ADGRE1: variants seen among roughly 807,000 people sequenced by gnomAD.
The protein encoded by ADGRE1 is EGF-like module receptor 1.
ADGRE1 carries 82 observed loss-of-function variants against 102.7 expected under a neutral mutation model. The observed-to-expected ratio is 0.80, with a 90% CI of 0.67 to 0.96. The LOEUF (loss-of-function observed/expected upper bound fraction) is 0.96. Ranked by LOEUF, ADGRE1 falls within the 40% of genes least tolerant of loss-of-function variation. The probability of loss-of-function intolerance (pLI) is 0.00; values close to 1 mark genes in which losing one functional copy is unlikely to be tolerated. For missense variants in ADGRE1, 1,032 were observed against 1,085.3 expected (o/e 0.95, Z 0.69); for synonymous variants, 398 against 399.6 (o/e 1.00, Z 0.05).
chr19:6,911,385 GTTTTTTT>G lies in ADGRE1; in HGVS notation c.1123-2254_1123-2248del, dbSNP rs772959056. Among the ~76,000 whole-genome samples the G allele has an allele frequency of 1.0e-4, 8 of 79,844 alleles. No individual in the cohort carries two copies. In the South Asian group the frequency reaches 1.7e-3, roughly 17 times the overall value. The allele number at this position is 79,844 out of a possible 152,430, so 52.4% of individuals were successfully genotyped here. On this transcript the variant is annotated intron_variant, in intron 10 of 20. Transcript: ENST00000312053. ...TTTATTAGGTTCTGGATTCCTTTTA[GTTTTTTT>G]TTTTTTTTTTTTTGCTTGGGTCAGA...
Position 6,940,174 on chromosome 19 carries a change from G to C in ADGRE1, c.*145G>C. 2.0e-6 allele frequency: 2 copies of C among 988,802 alleles called. No individual in the cohort carries two copies. The highest frequency in any genetic ancestry group is 3.1e-6 in the Non-Finnish European group (2 of 652,612). 61.3% of individuals were successfully genotyped at this position (988,802 alleles called of 1,614,324 possible). ...AGAACCCTCTGGGGAAGAATGTTGG[G>C]GGCGGTCTTCCTGTGGTTGTATGCA... On this transcript the variant is annotated 3_prime_UTR_variant, in exon 21 of 21. Transcript: ENST00000312053.
At chr19:6,908,157 C>G (rs572202543) in intron 9 of ADGRE1, among the ~76,000 whole-genome samples, 6 of 152,368 alleles carry the variant, frequency 3.9e-5, no homozygotes, top group African/African-American at 1.4e-4. Context: ...GCCATCTGTG[C>G]CTTAAGGACA....
chr19:6,900,135 C>G (rs933599337), intron 5 of ADGRE1, among the ~76,000 whole-genome samples: 2 of 151,824 alleles, frequency 1.3e-5, no homozygotes, highest in African/African-American at 4.8e-5. Context: ...CTTTTCTCTC[C>G]CTTCACATTA....
chr19:6,903,801 A>AC lies in ADGRE1; in HGVS notation c.662-5dup, dbSNP rs745511259. ...CAACTTGGCTCCACACCCATTCTGTACCCCACAGATATTGATGAATGCACT... is the reference window on the plus strand; with the variant it reads ...CAACTTGGCTCCACACCCATTCTGTACCCCCACAGATATTGATGAATGCACT... On this transcript the variant is annotated splice_polypyrimidine_tract_variant and intron_variant, in intron 6 of 20. Transcript: ENST00000312053. 6.2e-7 allele frequency: 1 copy of AC among 1,613,898 alleles called. No individual in the cohort carries two copies. The highest frequency in any genetic ancestry group is 2.2e-5 in the East Asian group (1 of 44,884).
At position 6,928,145 on chromosome 19, in the gene ADGRE1, C is replaced by A. The variant is rs772680535; in HGVS notation, c.2223C>A (p.Arg741=). 1 of 1,613,438 alleles carries A rather than the reference C, an allele frequency of 6.2e-7. No homozygotes were observed. Among genetic ancestry groups the A allele is most frequent in the South Asian group, 1.1e-5 (1 of 91,016 alleles). The part of the protein sequence containing the change: ...VQPQGYGMHN[R]CWLNTETGFI... Reference sequence around the variant, plus strand: ...TGACTCCTCCTATTTCTCTCCACAGCTGCTGGCTGAATACAGAGACAGGGT... The same window carrying A: ...TGACTCCTCCTATTTCTCTCCACAGATGCTGGCTGAATACAGAGACAGGGT... The change falls in exon 17 of 21, where the codon CGC becomes CGA. Residue 741 remains arginine (R), a splice_region_variant and synonymous_variant. Coordinates refer to ENST00000312053, the MANE Select transcript of ADGRE1 (RefSeq NM_001974.5).
At chr19:6,902,113 A>G in intron 6 of ADGRE1, 92 bp downstream of exon 6, 1 of 1,487,084 alleles carries the variant, frequency 6.7e-7, no homozygotes, top group Non-Finnish European at 9.2e-7. Context: ...TGAGTTTGAG[A>G]CTTTCATCTG....
Position 6,904,114 on chromosome 19 carries a change from G to A in ADGRE1, c.881G>A (p.Cys294Tyr). The change falls in exon 8 of 21, where the codon TGT (cysteine) becomes TAT (tyrosine). Residue 294 changes from cysteine (C) to tyrosine (Y), a missense_variant. Physicochemically the swap from Cys to Tyr is radical, Grantham distance 194. Transcript: ENST00000312053. ...ACCAATGCCCTGGGCTCCTACAGCTGTGGCTGCATTGCAGGCTTTCATCCC... is the reference window on the plus strand; with the variant it reads ...ACCAATGCCCTGGGCTCCTACAGCTATGGCTGCATTGCAGGCTTTCATCCC... ...ICTNALGSYS[C>Y]GCIAGFHPNP... 1 of 1,614,222 alleles carries A rather than the reference G, an allele frequency of 6.2e-7. No individual in the cohort carries two copies. Among genetic ancestry groups the A allele is most frequent in the Non-Finnish European group, 8.5e-7 (1 of 1,180,034 alleles).
At chr19:6,922,804 T>G (rs7249799) in intron 14 of ADGRE1, among the ~76,000 whole-genome samples, 31,731 of 151,614 alleles carry the variant, frequency 0.21, 3,383 homozygotes, top group South Asian at 0.24. Flanking sequence ...TTCACCTGGC[T>G]CGGTGGCTCA....
chr19:6,940,074 A>G lies in ADGRE1; in HGVS notation c.*45A>G. 1 of 1,609,522 alleles carries G rather than the reference A, an allele frequency of 6.2e-7. No individual in the cohort carries two copies. The highest frequency in any genetic ancestry group is 8.5e-7 in the Non-Finnish European group (1 of 1,176,928). ...ATATGCTATGGAGCCACAGTTGAGG[A>G]CAGTAGTTTCCTGCAGGAGCCTACC... On this transcript the variant is annotated 3_prime_UTR_variant, in exon 21 of 21. Transcript: ENST00000312053.
intron 1 of ADGRE1, among the ~76,000 whole-genome samples, chr19:6,890,211 TAG>T (rs1446790218): frequency 6.6e-6 from 1 of 152,146 alleles, no homozygotes. Flanking sequence ...CCACAGTGCT[TAG>T]CCTGGAACTA....
chr19:6,919,086 G>C (rs1002991622), intron 12 of ADGRE1, among the ~76,000 whole-genome samples: 4 of 152,114 alleles, frequency 2.6e-5, no homozygotes, highest in Non-Finnish European at 5.9e-5. Context: ...AGGCTGGAGT[G>C]CAGTGGTGCG....
chr19:6,926,639 C>T, intron 16 of ADGRE1, 38 bp downstream of exon 16: 1 of 1,600,138 alleles, frequency 6.2e-7, no homozygotes, highest in Non-Finnish European at 8.6e-7. Context: ...GACCCTGCTG[C>T]CAGGGCTTAT....
intron 12 of ADGRE1, among the ~76,000 whole-genome samples, chr19:6,919,021 A>T (rs958013749): frequency 1.3e-5 from 2 of 149,758 alleles, no homozygotes; most frequent in African/African-American, 4.9e-5. Flanking sequence ...CACTCTGCCC[A>T]GCTGTGGAAG....
At chr19:6,896,712 T>C (rs1466866693) in intron 3 of ADGRE1, 171 bp downstream of exon 3, 3 of 708,156 alleles carry the variant, frequency 4.2e-6, no homozygotes, top group East Asian at 2.8e-5. Context: ...AATATTGATA[T>C]GTGGGGGTGT....
intron 12 of ADGRE1, among the ~76,000 whole-genome samples, chr19:6,918,720 A>G (rs1974500586): frequency 1.3e-5 from 2 of 152,318 alleles, no homozygotes; most frequent in South Asian, 4.1e-4. Flanking sequence ...TTCTCCAGGT[A>G]AGAGCACTGG....
chr19:6,916,256 G>C lies in ADGRE1; in HGVS notation c.1308G>C (p.Glu436Asp). The change falls in exon 12 of 21, where the codon GAG becomes GAC. Residue 436 changes from glutamate (E) to aspartate (D), a missense_variant. Transcript: ENST00000312053. ...CTCCCTTTCTCTTTTTAGACATTGA[G>C]AGCAAAGTTATCAACAAAGAATGCA... ...PAVRTEYLDI[E>D]SKVINKECSE... 6.2e-7 allele frequency: 1 copy of C among 1,611,844 alleles called. No homozygotes were observed. Among genetic ancestry groups the C allele is most frequent in the Non-Finnish European group, 8.5e-7 (1 of 1,178,744 alleles).
At chr19:6,901,493 G>C (rs1451972952) in intron 5 of ADGRE1, among the ~76,000 whole-genome samples, 1 of 152,078 alleles carries the variant, frequency 6.6e-6, no homozygotes, top group Non-Finnish European at 1.5e-5. Flanking sequence ...GTATTTAAGG[G>C]GTAGAGAAAC....
intron 5 of ADGRE1, among the ~76,000 whole-genome samples, chr19:6,900,325 A>AAATT (rs1490260271): frequency 6.6e-6 from 1 of 151,218 alleles, no homozygotes. Context: ...AAAAAAAAAA[A>AAATT]AATTAGAAAA....
At chr19:6,898,136 G>A (rs1040206858) in intron 5 of ADGRE1, among the ~76,000 whole-genome samples, 9 of 152,130 alleles carry the variant, frequency 5.9e-5, no homozygotes, top group African/African-American at 2.2e-4. Context: ...TTCCACCATA[G>A]TCACAAGTAT....
Sources: gnomAD v4.1 joint callset for allele counts (sites outside exome capture counted in the v4.1 genomes callset) on GRCh38, gnomAD v4.1.1 for gene constraint, MANE v1.5 for transcripts, NCBI Gene and HGNC (gene_info 2026-07-23, HGNC 2026-07-21) for gene names.